Variants in RNF38 observed in about 807,000 individuals in gnomAD.
The protein encoded by RNF38 is ring finger protein 38, also known as E3 ubiquitin-protein ligase RNF38.
A neutral mutation model predicts 67.2 loss-of-function variants in RNF38; 15 were observed. The observed-to-expected ratio is 0.22, with a 90% confidence interval of 0.15 to 0.34. The LOEUF (loss-of-function observed/expected upper bound fraction) is 0.34. Ranked by LOEUF, RNF38 falls within the 10% of genes least tolerant of loss-of-function variation. The pLI, the probability that RNF38 is intolerant of heterozygous loss-of-function variation, is 1.00. For synonymous variants in RNF38, 220 were observed against 218.8 expected (o/e 1.01, Z -0.05); for missense variants, 524 against 639.9 (o/e 0.82, Z 1.95).
intron 1 of RNF38, among the ~76,000 whole-genome samples, chr9:36,428,050 T>C (rs1838822590): frequency 1.3e-5 from 2 of 151,562 alleles, no homozygotes; most frequent in African/African-American, 4.9e-5. Flanking sequence ...TAAATTTCTG[T>C]TGTTTATAAG....
At chr9:36,429,305 C>T (rs1005072357) in intron 1 of RNF38, among the ~76,000 whole-genome samples, 1 of 152,192 alleles carries the variant, frequency 6.6e-6, no homozygotes, top group African/African-American at 2.4e-5. Flanking sequence ...GGCATTCCCT[C>T]CAGTATTGAA....
chr9:36,405,750 AG>A (rs35229770), upstream of RNF38, among the ~76,000 whole-genome samples: 33,189 of 152,206 alleles, frequency 0.22, 4,416 homozygotes, highest in Non-Finnish European at 0.3. Context: ...TATATAAGAA[AG>A]ATCTCATTCT....
rs200646561 is a variant in RNF38, at chr9:36,339,741, T to G, written c.*11A>C. 203 of 1,609,522 alleles carry G rather than the reference T, an allele frequency of 1.3e-4. No homozygotes were observed. Among genetic ancestry groups the G allele is most frequent in the Middle Eastern group, 1.6e-4 (1 of 6,076 alleles). On this transcript the variant is annotated 3_prime_UTR_variant, in exon 12 of 12. Transcript: ENST00000259605. ...GGAACACCCAAACTAAATTTGTGCT[T>G]CTTAGGTTGGTCATTCTGAATCCCG... is the stretch of plus-strand genomic sequence containing the variant.
intron 1 of RNF38, among the ~76,000 whole-genome samples, chr9:36,434,389 A>G (rs1839012926): frequency 6.7e-6 from 1 of 148,718 alleles, no homozygotes; most frequent in Non-Finnish European, 1.5e-5. Flanking sequence ...GAGGGGAAGG[A>G]CTTTTATTTT....
chr9:36,463,156 T>C (rs188612845), intron 1 of RNF38, among the ~76,000 whole-genome samples: 13 of 152,296 alleles, frequency 8.5e-5, no homozygotes, highest in African/African-American at 3.1e-4. Context: ...CCTTATGGCA[T>C]ATTTATGCTT....
At position 36,474,462 on chromosome 9, in the gene RNF38, A is replaced by T. The variant is rs1480574539; in HGVS notation, n.241+12846T>A. ...TTATATTCAGTCTTTTGTTATCAAA[A>T]CTACTTGCTGTGTTTTCGGAGGCTA... is the stretch of plus-strand genomic sequence containing the variant. On this transcript the variant is annotated intron_variant and non_coding_transcript_variant, in intron 1 of 3. Coordinates refer to the RNF38 transcript ENST00000488058. Among the ~76,000 whole-genome samples the T allele has an allele frequency of 1.3e-5, 2 of 148,646 alleles. 1 individual carries two copies. Among genetic ancestry groups the T allele is most frequent in the East Asian group, 4.4e-4 (2 of 4,552 alleles).
chr9:36,445,309 T>A (rs1839275330), intron 1 of RNF38, among the ~76,000 whole-genome samples: 3 of 152,236 alleles, frequency 2.0e-5, no homozygotes, highest in African/African-American at 7.2e-5. Flanking sequence ...ATGGTAAGGA[T>A]AAAGACAAGA....
chr9:36,479,057 G>T (rs1007401968), intron 1 of RNF38, among the ~76,000 whole-genome samples: 10 of 152,098 alleles, frequency 6.6e-5, no homozygotes, highest in African/African-American at 2.4e-4. Flanking sequence ...TTAAAACTCT[G>T]AAATGTATTC....
chr9:36,423,900 G>A (rs1412844248), intron 2 of RNF38, among the ~76,000 whole-genome samples: 1 of 22,824 alleles, frequency 4.4e-5, no homozygotes, highest in African/African-American at 1.5e-4. Context: ...AGTGAGCCGA[G>A]ATTGCGCCAC....
Position 36,397,396 on chromosome 9 carries a change from G to C in RNF38, c.12+2701C>G, listed in dbSNP as rs1341426816. On this transcript the variant is annotated intron_variant, in intron 1 of 11. Coordinates refer to ENST00000259605, the MANE Select transcript of RNF38 (RefSeq NM_022781.5). ...CCCAAAGTGCTGGGATTACAGGCGT[G>C]AGCTAAAAAATAATTTAAAAATAAT... 2.0e-5 allele frequency among the ~76,000 whole-genome samples: 3 copies of C among 152,192 alleles called. No individual in the cohort carries two copies. The East Asian group carries it at 5.8e-4, about 29-fold the overall frequency.
chr9:36,451,495 T>TG (rs200710471), intron 1 of RNF38, among the ~76,000 whole-genome samples: 5,673 of 133,664 alleles, frequency 0.042, 456 homozygotes, highest in African/African-American at 0.14. Flanking sequence ...GTAGTAGTTT[T>TG]TTTTTTTTTT....
chr9:36,374,615 G>A (rs985698806), intron 3 of RNF38, among the ~76,000 whole-genome samples: 7 of 152,006 alleles, frequency 4.6e-5, no homozygotes, highest in East Asian at 1.9e-4. Context: ...TCAGCCTCCC[G>A]AGTAGCTGGG....
rs569349867 is a variant in RNF38, at chr9:36,342,315, A to G, written c.1485+10T>C. ...CAATGTCATTTCCTTTAAAGATGTC[A>G]TCACTTTACCTTAAGCCATTTGTCA... On this transcript the variant is annotated intron_variant, in intron 11 of 11. Coordinates refer to ENST00000259605, the MANE Select transcript of RNF38 (RefSeq NM_022781.5). 6.4e-7 allele frequency: 1 copy of G among 1,573,434 alleles called. No individual in the cohort carries two copies. Among genetic ancestry groups the G allele is most frequent in the Admixed American group, 1.7e-5 (1 of 59,958 alleles).
At chr9:36,433,323 C>A (rs926391753) in intron 1 of RNF38, among the ~76,000 whole-genome samples, 2 of 146,586 alleles carry the variant, frequency 1.4e-5, no homozygotes, top group African/African-American at 4.9e-5. Context: ...GTGATGGATA[C>A]CCCCCCCTTA....
At chr9:36,424,527 C>T (rs990611535) in intron 2 of RNF38, 2 of 439,834 alleles carry the variant, frequency 4.5e-6, no homozygotes, top group African/African-American at 4.3e-5. Context: ...ACTCTTCTTG[C>T]CCTAGGCCCA....
At chr9:36,355,327 C>A (rs1031404239) in intron 6 of RNF38, among the ~76,000 whole-genome samples, 6 of 152,202 alleles carry the variant, frequency 3.9e-5, no homozygotes, top group Non-Finnish European at 7.3e-5. Context: ...GGTCTTGATG[C>A]TGAACCTGGC....
At chr9:36,434,221 C>T (rs574812185) in intron 1 of RNF38, among the ~76,000 whole-genome samples, 38 of 135,386 alleles carry the variant, frequency 2.8e-4, no homozygotes, top group Middle Eastern at 3.7e-3. Flanking sequence ...GCCGACAGAG[C>T]GAGACTCTGC....
At chr9:36,464,069 C>T (rs1839801645) in intron 1 of RNF38, among the ~76,000 whole-genome samples, 1 of 151,866 alleles carries the variant, frequency 6.6e-6, no homozygotes, top group South Asian at 2.1e-4. Flanking sequence ...CAGGTTGAGG[C>T]AGGAGAATGG....
chr9:36,362,366 G>T (rs1156957516), intron 4 of RNF38, among the ~76,000 whole-genome samples: 1 of 151,734 alleles, frequency 6.6e-6, no homozygotes, highest in East Asian at 1.9e-4. Flanking sequence ...CTCGGGGGAG[G>T]GGGGAGAAGG....
Sources: gnomAD v4.1 joint callset for allele counts (sites outside exome capture counted in the v4.1 genomes callset) on GRCh38, gnomAD v4.1.1 for gene constraint, MANE v1.5 for transcripts, NCBI Gene and HGNC (gene_info 2026-07-23, HGNC 2026-07-21) for gene names.